The following CBLC variants were observed in gnomAD, a reference collection of about 807,000 sequenced individuals.
CBLC encodes E3 ubiquitin-protein ligase CBL-C.
A neutral mutation model predicts 58.6 loss-of-function variants in CBLC; 46 were observed. The ratio of observed to expected loss-of-function variants is 0.79; its 90% confidence interval spans 0.62 to 1.00. The LOEUF is 1.00. Ranked by LOEUF, CBLC falls within the 50% of genes least tolerant of loss-of-function variation. The pLI, the probability that CBLC is intolerant of heterozygous loss-of-function variation, is 0.00. For missense variants in CBLC, 655 were observed against 625.8 expected (o/e 1.05, Z -0.50); for synonymous variants, 271 against 264.2 (o/e 1.03, Z -0.25).
chr19:44,782,227 A>G, intron 3 of CBLC, 143 bp from the exon 4 acceptor site: 1 of 1,225,272 alleles, frequency 8.2e-7, no homozygotes, highest in Non-Finnish European at 1.1e-6. Flanking sequence ...GAGAAAGAAG[A>G]GCTTGGGGTC....
At chr19:44,796,674 C>T (rs1015648266) in intron 9 of CBLC, among the ~76,000 whole-genome samples, 4 of 152,232 alleles carry the variant, frequency 2.6e-5, no homozygotes, top group East Asian at 1.9e-4. Flanking sequence ...GGTGAGCCAC[C>T]GCGCCCGGCC....
Position 44,777,954 on chromosome 19 carries a change from G to A in CBLC, c.23G>A (p.Trp8Ter), listed in dbSNP as rs34932144. The change falls in exon 1 of 11, where the codon TGG becomes TAG. Residue 8 changes from tryptophan (W) to a stop codon, truncating the protein, a stop_gained. Transcript: ENST00000647358. LOFTEE classifies it high-confidence loss of function. ...CCCATGGCTCTGGCGGTGGCCCCGT[G>A]GGGGCGACAGTGGGAAGAGGCCCGC... MALAVAP[W>*]GRQWEEARAL... 1,233 of 1,599,292 alleles carry A rather than the reference G, an allele frequency of 7.7e-4. 8 individuals carry two copies. The African/African-American group carries it at 0.014, about 18-fold the overall frequency.
chr19:44,787,721 G>A (rs1471462257), intron 5 of CBLC, among the ~76,000 whole-genome samples: 1 of 150,356 alleles, frequency 6.7e-6, no homozygotes, highest in Non-Finnish European at 1.5e-5. Context: ...GGAGGGTGAG[G>A]CAAGAGAATT....
chr19:44,785,005 T>A (rs532240287), intron 5 of CBLC, among the ~76,000 whole-genome samples: 1 of 132,542 alleles, frequency 7.5e-6, no homozygotes, highest in South Asian at 2.8e-4. Flanking sequence ...AGAGTCTTGC[T>A]CTGTCGCCCT....
Position 44,794,227 on chromosome 19 carries a change from G to T in CBLC, c.1308G>T (p.Leu436Phe), listed in dbSNP as rs777033769. The stretch of plus-strand genomic sequence containing the variant: ...AGGTGCCCCTTTCGGCTCCTCCATT[G>T]CCCCCACGGCCAGATCTGCCCCCCA... ...LGQVPLSAPP[L>F]PPRPDLPPRK... is the part of the protein sequence containing the mutation. Residue 436 changes from leucine (L) to phenylalanine (F), a missense_variant, in exon 9 of 11, where the codon TTG (leucine) becomes TTT (phenylalanine). This residue lies in a region of CBLC where 371 missense variants were observed against 370.8 expected (regional missense o/e 1.00). Coordinates refer to ENST00000647358, the MANE Select transcript of CBLC (RefSeq NM_012116.4). 1.2e-5 allele frequency: 20 copies of T among 1,611,972 alleles called. No homozygotes were observed. In the Admixed American group the frequency reaches 2.2e-4, roughly 18 times the overall value.
chr19:44,784,454 A>T lies in CBLC; in HGVS notation c.917+53A>T. The T allele has an allele frequency of 2.6e-6, 4 of 1,513,918 alleles. No homozygotes were observed. The Admixed American group carries it at 5.2e-5, about 20-fold the overall frequency. 93.8% of individuals were successfully genotyped at this position (1,513,918 alleles called of 1,614,324 possible). A position where few individuals can be genotyped will look rare whatever the true frequency, so the allele number is the denominator to read the frequency against. ...GTGTCAGCAAAATCTGGTTGGAAAGATCTTGCATGTTGTGCACTGCCGGTG... is the reference window on the plus strand; with the variant it reads ...GTGTCAGCAAAATCTGGTTGGAAAGTTCTTGCATGTTGTGCACTGCCGGTG... On this transcript the variant is annotated intron_variant, in intron 5 of 10. Transcript: ENST00000647358.
In CBLC at chr19:44,798,738, A is replaced by G. The variant is rs116388707; in HGVS notation, c.1363-1643A>G. Among the ~76,000 whole-genome samples, 963 of 151,992 alleles carry G rather than the reference A, an allele frequency of 6.3e-3. 9 individuals carry two copies. Among genetic ancestry groups the G allele is most frequent in the African/African-American group, 0.022 (920 of 41,436 alleles). On this transcript the variant is annotated intron_variant, in intron 9 of 10. Transcript: ENST00000647358. The stretch of plus-strand genomic sequence containing the variant: ...GCGACGGTGCAAAAACTCCGTCTCA[A>G]AAAGAAAGAAAGAAAGAAAGAAATC...
intron 5 of CBLC, among the ~76,000 whole-genome samples, chr19:44,787,835 A>AG (rs1967950052): frequency 6.6e-6 from 1 of 150,950 alleles, no homozygotes; most frequent in Non-Finnish European, 1.5e-5. Flanking sequence ...AAAAAAAAAA[A>AG]TTTATTCGCC....
rs1382090 is a variant in CBLC at position 44,784,417 on chromosome 19, G to A, written c.917+16G>A. The A allele has an allele frequency of 6.4e-7, 1 of 1,559,472 alleles. No individual in the cohort carries two copies. The stretch of plus-strand genomic sequence containing the variant: ...AGGACGGCTTGTGAGTCTCCATTCT[G>A]GTAGGAGGAGGGTGTCAGCAAAATC... On this transcript the variant is annotated intron_variant, in intron 5 of 10. Transcript: ENST00000647358.
rs765864698 is a variant in CBLC at position 44,800,386 on chromosome 19, C to G, written c.1368C>G (p.Leu456=). The change falls in exon 10 of 11, where the codon CTC becomes CTG. Residue 456 remains leucine, a synonymous_variant. Transcript: ENST00000647358. ...KPRNAQPKVR[L]LKGNSPPAAL... ...TCAAAATATCTCCATTGCAGAGACTCCTAAAGGGGAACTCCCCTCCAGCTG... is the reference window on the plus strand; with the variant it reads ...TCAAAATATCTCCATTGCAGAGACTGCTAAAGGGGAACTCCCCTCCAGCTG... 1 of 1,611,488 alleles carries G rather than the reference C, an allele frequency of 6.2e-7. No individual in the cohort carries two copies. The highest frequency in any genetic ancestry group is 2.2e-5 in the East Asian group (1 of 44,868).
chr19:44,800,361 T>C lies in CBLC; in HGVS notation c.1363-20T>C. 6.3e-7 allele frequency: 1 copy of C among 1,581,134 alleles called. No homozygotes were observed. The highest frequency in any genetic ancestry group is 8.7e-7 in the Non-Finnish European group (1 of 1,150,188). ...TGGATGCCGGGAATCAACCGCCCTC[T>C]CAAAATATCTCCATTGCAGAGACTC... On this transcript the variant is annotated intron_variant, in intron 9 of 10. Coordinates refer to ENST00000647358, the MANE Select transcript of CBLC (RefSeq NM_012116.4).
chr19:44,781,275 C>T lies in CBLC; in HGVS notation c.569C>T (p.Thr190Ile), dbSNP rs759339597. 6.2e-7 allele frequency: 1 copy of T among 1,613,758 alleles called. No individual in the cohort carries two copies. Among genetic ancestry groups the T allele is most frequent in the Non-Finnish European group, 8.5e-7 (1 of 1,179,988 alleles). Residue 190 changes from threonine (T) to isoleucine (I), a missense_variant, in exon 3 of 11, where the codon ACA (threonine) becomes ATA (isoleucine). Thr to Ile is a moderately conservative substitution (Grantham distance 89). Coordinates refer to ENST00000647358, the MANE Select transcript of CBLC (RefSeq NM_012116.4). ...GTCHPVEPGC[T>I]ALALRTTIDL... ...TGCCACCCTGTGGAACCAGGCTGCA[C>T]AGCCCTGGCCTTGCGCACCACCATT...
In CBLC at chr19:44,782,357, T is replaced by G; in HGVS notation, c.658-13T>G. On this transcript the variant is annotated splice_polypyrimidine_tract_variant and intron_variant, in intron 3 of 10. Coordinates refer to ENST00000647358, the MANE Select transcript of CBLC (RefSeq NM_012116.4). ...CCTGGTCGCTCCCTGACCCAAGCCC[T>G]GCCCCACCCCAGCCATGGCCAACAC... 2 of 1,613,190 alleles carry G rather than the reference T, an allele frequency of 1.2e-6. No homozygotes were observed. The highest frequency in any genetic ancestry group is 2.2e-5 in the South Asian group (2 of 91,044).
rs754849774 is a variant in CBLC, at chr19:44,793,595, A to T, written c.1259A>T (p.Glu420Val). ...AEDSGNSSDQ[E>V]GRELELGQVP... ...GACTCAGGGAACAGCAGTGACCAGG[A>T]AGGCAGGGAGTTGGAGCTGGGGCAG... The change falls in exon 8 of 11, where the codon GAA (glutamate) becomes GTA (valine). Residue 420 changes from glutamate to valine, a missense_variant. This residue lies in a region of CBLC where 371 missense variants were observed against 370.8 expected (regional missense o/e 1.00). Transcript: ENST00000647358. The T allele has an allele frequency of 9.3e-6, 15 of 1,606,430 alleles. No homozygotes were observed. The highest frequency in any genetic ancestry group is 1.2e-5 in the Non-Finnish European group (14 of 1,177,522).
In CBLC at chr19:44,794,060, C is replaced by G. The variant is rs1448149740; in HGVS notation, c.1285-144C>G. The G allele has an allele frequency of 2.8e-6, 4 of 1,407,018 alleles. No homozygotes were observed. The South Asian group carries it at 4.7e-5, about 16-fold the overall frequency. 87.2% of individuals were successfully genotyped at this position (1,407,018 alleles called of 1,614,324 possible). A position where few individuals can be genotyped will look rare whatever the true frequency, so the allele number is the denominator to read the frequency against. ...GTGGCTTTCCCTGGCTGTAACCCTC[C>G]TAAGTGTTCATACGTTGTCTTGGTC... is the stretch of plus-strand genomic sequence containing the variant. On this transcript the variant is annotated intron_variant, in intron 8 of 10. Transcript: ENST00000647358.
rs377099059 is a variant in CBLC at position 44,794,288 on chromosome 19, C to G, written c.1362+7C>G. ...AAATGCCCAGCCGAAAGTGGTGAGT[C>G]AGGCGCTGGTCTGAGGTTGGGGGCT... On this transcript the variant is annotated splice_region_variant and intron_variant, in intron 9 of 10. Transcript: ENST00000647358. 12 of 1,612,512 alleles carry G rather than the reference C, an allele frequency of 7.4e-6. No individual in the cohort carries two copies. The highest frequency in any genetic ancestry group is 1.7e-5 in the Admixed American group (1 of 59,874).
chr19:44,798,231 A>C (rs1006730607), intron 9 of CBLC, among the ~76,000 whole-genome samples: 1 of 151,974 alleles, frequency 6.6e-6, no homozygotes, highest in African/African-American at 2.4e-5. Flanking sequence ...TAATGTTTTA[A>C]TTTAATTAGA....
Position 44,778,179 on chromosome 19 carries a change from A to C in CBLC, c.248A>C (p.Tyr83Ser), listed in dbSNP as rs1032038079. Residue 83 changes from tyrosine (Y) to serine (S), a missense_variant, in exon 1 of 11, where the codon TAC becomes TCC. By Grantham distance (144) the Tyr-to-Ser change is moderately radical. Transcript: ENST00000647358. ...PGGSGDFLLI[Y>S]LANLEAKSRQ... is the part of the protein sequence containing the mutation. The stretch of plus-strand genomic sequence containing the variant: ...GGCTCTGGGGACTTTCTACTCATCT[A>C]CCTGGCCAATCTGGAGGCCAAGAGC... The C allele has an allele frequency of 1.9e-5, 30 of 1,538,654 alleles. No individual in the cohort carries two copies. Among genetic ancestry groups the C allele is most frequent in the Non-Finnish European group, 2.6e-5 (30 of 1,146,204 alleles).
chr19:44,780,762 C>G, intron 1 of CBLC, 143 bp from the exon 2 acceptor site: 1 of 853,738 alleles, frequency 1.2e-6, no homozygotes, highest in Non-Finnish European at 1.8e-6. Context: ...CGTGAGCCAC[C>G]ACGCCCAGCA....
Sources: gnomAD v4.1 joint callset for allele counts (sites outside exome capture counted in the v4.1 genomes callset) on GRCh38, gnomAD v4.1.1 for gene constraint, gnomAD v4.1.1 regional missense constraint, MANE v1.5 for transcripts, NCBI Gene and HGNC (gene_info 2026-07-23, HGNC 2026-07-21) for gene names.